Variants in RAB28 observed in about 807,000 individuals in gnomAD.
RAB28 encodes the protein RAB28, member RAS oncogene family, also known as ras-related protein Rab-28.
Under a neutral mutation model 31.7 loss-of-function variants are expected in RAB28, and 24 were observed. The observed-to-expected ratio is 0.76, with a 90% CI of 0.55 to 1.06. The LOEUF is 1.06. RAB28 is among the 50% of genes least tolerant of loss of function. The pLI is 0.00. For synonymous variants in RAB28, 100 were observed against 90.4 expected, an observed-to-expected ratio of 1.11 and a Z score of -0.60; for missense variants, 254 against 258.5, an observed-to-expected ratio of 0.98 and a Z score of 0.12.
At chr4:13,438,426 T>C (rs944151216) in intron 4 of RAB28, among the ~76,000 whole-genome samples, 1 of 152,110 alleles carries the variant, frequency 6.6e-6, no homozygotes, top group Non-Finnish European at 1.5e-5. Flanking sequence ...AGTCATTACC[T>C]TTCCCTCCCC....
chr4:13,380,291 G>A lies in RAB28; in HGVS notation c.495+1200C>T, dbSNP rs534982111. On this transcript the variant is annotated intron_variant, in intron 5 of 6. Coordinates refer to ENST00000330852, the MANE Select transcript of RAB28 (RefSeq NM_001017979.3). Reference sequence around the variant, plus strand: ...GTGTAAAACTATAAAGGATATTACAGAGAAAAACATCAAAAATCTTAAACC... The same window carrying A: ...GTGTAAAACTATAAAGGATATTACAAAGAAAAACATCAAAAATCTTAAACC... Among the ~76,000 whole-genome samples the A allele has an allele frequency of 4.0e-4, 61 of 152,142 alleles. No individual in the cohort carries two copies. In the South Asian group the frequency reaches 0.012, roughly 30 times the overall value.
chr4:13,376,781 T>C (rs1010158715), intron 5 of RAB28, among the ~76,000 whole-genome samples, 159 bp from the exon 6 acceptor site: 1 of 152,118 alleles, frequency 6.6e-6, no homozygotes, highest in Non-Finnish European at 1.5e-5. Flanking sequence ...TGTAGCAACA[T>C]TTTAAATATA....
chr4:13,368,164 C>T lies in RAB28; in HGVS notation c.*394G>A. On this transcript the variant is annotated 3_prime_UTR_variant, in exon 7 of 7. Transcript: ENST00000330852. The stretch of plus-strand genomic sequence containing the variant: ...ACTCTGAAGTATACTTTGACACATA[C>T]AAGTTCCGATAAGAGAATGAAATTG... 2 of 987,410 alleles carry T rather than the reference C, an allele frequency of 2.0e-6. No individual in the cohort carries two copies. Among genetic ancestry groups the T allele is most frequent in the Non-Finnish European group, 1.2e-6 (1 of 831,242 alleles). The allele number at this position is 987,410 out of a possible 1,614,324, so 61.2% of individuals were successfully genotyped here.
In RAB28 at chr4:13,406,368, A is replaced by G. The variant is rs146660241; in HGVS notation, c.392-24774T>C. On this transcript the variant is annotated intron_variant, in intron 4 of 6. Transcript: ENST00000330852. ...ATGGCTGCATAGTATTCCATGGTGT[A>G]TATATAACACATTTTCTTTATCCAG... is the stretch of plus-strand genomic sequence containing the variant. Among the ~76,000 whole-genome samples, 697 of 152,284 alleles carry G rather than the reference A, an allele frequency of 4.6e-3. 6 individuals carry two copies. Among genetic ancestry groups the G allele is most frequent in the African/African-American group, 0.016 (664 of 41,556 alleles).
chr4:13,418,669 G>A (rs985155163), intron 4 of RAB28, among the ~76,000 whole-genome samples: 4 of 152,164 alleles, frequency 2.6e-5, no homozygotes, highest in Admixed American at 6.5e-5. Context: ...ATAAGTGAAG[G>A]AGAAATAAAA....
intron 4 of RAB28, among the ~76,000 whole-genome samples, chr4:13,425,552 C>T (rs1378981188): frequency 6.6e-6 from 1 of 152,020 alleles, no homozygotes; most frequent in Non-Finnish European, 1.5e-5. Flanking sequence ...TGGGTGTGTG[C>T]ATGCATACAC....
rs114936363 is a variant in RAB28, at chr4:13,437,079, T to C, written c.391+23620A>G. 7.1e-3 allele frequency among the ~76,000 whole-genome samples: 1,079 copies of C among 152,236 alleles called. 4 individuals carry two copies. The highest frequency in any genetic ancestry group is 0.012 in the Non-Finnish European group (827 of 67,998). On this transcript the variant is annotated intron_variant, in intron 4 of 6. Coordinates refer to ENST00000330852, the MANE Select transcript of RAB28 (RefSeq NM_001017979.3). ...CCACACACCTACAACCAACTAATCT[T>C]CGACAAAGTTGACAAAAATAAACAA...
intron 3 of RAB28, among the ~76,000 whole-genome samples, chr4:13,468,788 A>G (rs1274596717): frequency 6.6e-6 from 1 of 150,854 alleles, no homozygotes; most frequent in Non-Finnish European, 1.5e-5. Context: ...TTTTTTTTTA[A>G]AAAAAAAAGA....
intron 4 of RAB28, among the ~76,000 whole-genome samples, chr4:13,417,799 G>A (rs1371226402): frequency 6.6e-6 from 1 of 152,188 alleles, no homozygotes; most frequent in Non-Finnish European, 1.5e-5. Context: ...GGAGAAACCA[G>A]AGGAGAAAAG....
At chr4:13,435,026 A>AAAAG (rs1163313465) in intron 4 of RAB28, among the ~76,000 whole-genome samples, 3 of 150,556 alleles carry the variant, frequency 2.0e-5, no homozygotes, top group African/African-American at 7.3e-5. Flanking sequence ...TCAAAAAAAA[A>AAAAG]AAAAAAAAAG....
intron 4 of RAB28, among the ~76,000 whole-genome samples, chr4:13,458,991 G>C (rs555456013): frequency 6.6e-6 from 1 of 152,322 alleles, no homozygotes; most frequent in South Asian, 2.1e-4. Context: ...AGTGGACTGG[G>C]AGAGGCAGAC....
intron 4 of RAB28, among the ~76,000 whole-genome samples, chr4:13,457,419 T>A (rs1288591294): frequency 6.6e-6 from 1 of 152,162 alleles, no homozygotes; most frequent in African/African-American, 2.4e-5. Flanking sequence ...CATTACATGA[T>A]CACATGAAAT....
At chr4:13,374,910 CA>C (rs34923736) in intron 6 of RAB28, among the ~76,000 whole-genome samples, 1 of 152,090 alleles carries the variant, frequency 6.6e-6, no homozygotes, top group Admixed American at 6.6e-5. Flanking sequence ...CATAAATCCC[CA>C]AAATCTGTTC....
chr4:13,388,639 C>T (rs1215815109), intron 4 of RAB28, among the ~76,000 whole-genome samples: 1 of 151,908 alleles, frequency 6.6e-6, no homozygotes, highest in Non-Finnish European at 1.5e-5. Flanking sequence ...ATGTTAATAT[C>T]TAGAATATAT....
At chr4:13,457,381 T>TA (rs1269933150) in intron 4 of RAB28, among the ~76,000 whole-genome samples, 1 of 152,174 alleles carries the variant, frequency 6.6e-6, no homozygotes, top group Admixed American at 6.5e-5. Flanking sequence ...GTTAAAGCCC[T>TA]AATAGGCTTA....
chr4:13,369,849 G>A (rs748470269), intron 6 of RAB28: 2 of 1,593,050 alleles, frequency 1.3e-6, no homozygotes, highest in Admixed American at 1.7e-5. Context: ...TCCCCAAACT[G>A]TAATAATTTA....
chr4:13,382,981 T>A (rs556898558), intron 4 of RAB28, among the ~76,000 whole-genome samples: 2 of 152,242 alleles, frequency 1.3e-5, no homozygotes, highest in East Asian at 3.9e-4. Context: ...ATTACGGGCG[T>A]GAGCCACAGC....
chr4:13,428,816 G>C (rs1406162822), intron 4 of RAB28, among the ~76,000 whole-genome samples: 1 of 151,584 alleles, frequency 6.6e-6, no homozygotes, highest in Non-Finnish European at 1.5e-5. Context: ...TTCCAAGTAG[G>C]ATAAACTCAA....
At chr4:13,474,237 T>C (rs1716247784) in intron 3 of RAB28, 81 bp downstream of exon 3, 1 of 880,802 alleles carries the variant, frequency 1.1e-6, no homozygotes, top group African/African-American at 1.6e-5. Flanking sequence ...TGTGTGTGTG[T>C]GTGCATTTGG....
Sources: allele counts gnomAD v4.1 joint callset (sites outside exome capture counted in the v4.1 genomes callset), GRCh38; gene constraint gnomAD v4.1.1; transcripts MANE v1.5; gene names NCBI Gene and HGNC (gene_info 2026-07-23, HGNC 2026-07-21).